The following PDE1A variants were observed in gnomAD, a reference collection of about 807,000 sequenced individuals.
PDE1A encodes the protein dual specificity calcium/calmodulin-dependent 3',5'-cyclic nucleotide phosphodiesterase 1A.
Under a neutral mutation model 61.7 loss-of-function variants are expected in PDE1A, and 35 were observed. The ratio of observed to expected loss-of-function variants is 0.57; its 90% CI spans 0.43 to 0.75. PDE1A has a LOEUF of 0.75. PDE1A is among the 30% of genes least tolerant of loss of function. The probability of loss-of-function intolerance (pLI) is 0.00; values close to 1 mark genes in which losing one functional copy is unlikely to be tolerated. For synonymous variants in PDE1A, 232 were observed against 213.2 expected (o/e 1.09, Z -0.77); for missense variants, 597 against 630.6 (o/e 0.95, Z 0.57).
chr2:182,515,233 A>T lies in PDE1A; in HGVS notation c.101+7043T>A, dbSNP rs778674302. 7.9e-5 allele frequency among the ~76,000 whole-genome samples: 12 copies of T among 152,194 alleles called. 1 individual carries two copies. Among genetic ancestry groups the T allele is most frequent in the Non-Finnish European group, 1.3e-4 (9 of 68,028 alleles). On this transcript the variant is annotated intron_variant, in intron 2 of 14. Transcript: ENST00000410103. ...TTTTATTCTGGTCACTTCTTACTGC[A>T]TATTAACTTGCTTTTTATAATTTAC...
the PDE1A span, among the ~76,000 whole-genome samples, chr2:182,530,272 T>A: frequency 6.6e-6 from 1 of 152,210 alleles, no homozygotes; most frequent in East Asian, 1.9e-4. Context: ...TGCCCCAGAT[T>A]AGCAACTTTG....
chr2:182,627,395 ATAT>A, the PDE1A span, among the ~76,000 whole-genome samples: 18 of 118,774 alleles, frequency 1.5e-4, no homozygotes, highest in African/African-American at 5.3e-4. Context: ...TATATAATGT[ATAT>A]TATATTTAAT....
intron 2 of PDE1A, among the ~76,000 whole-genome samples, chr2:182,510,444 G>A (rs1218786685): frequency 2.6e-5 from 4 of 152,176 alleles, no homozygotes; most frequent in African/African-American, 9.7e-5. Flanking sequence ...TTTACCAGAT[G>A]ATAATCAAAC....
chr2:182,261,738 C>T (rs1305558904), intron 2 of PDE1A, among the ~76,000 whole-genome samples: 3 of 151,912 alleles, frequency 2.0e-5, no homozygotes, highest in Admixed American at 6.6e-5. Flanking sequence ...AGTCATACTT[C>T]TCAGGGAAAG....
At chr2:182,344,350 G>A (rs941864213) in intron 1 of PDE1A, among the ~76,000 whole-genome samples, 6 of 152,074 alleles carry the variant, frequency 3.9e-5, no homozygotes, top group Non-Finnish European at 8.8e-5. Context: ...AGGATTATAA[G>A]TATACACAAA....
At chr2:182,444,157 A>G (rs1250750717) in intron 2 of PDE1A, among the ~76,000 whole-genome samples, 1 of 152,282 alleles carries the variant, frequency 6.6e-6, no homozygotes, top group East Asian at 1.9e-4. Context: ...GACGACTTTC[A>G]GTTCACCTAA....
At chr2:182,390,770 T>C (rs998226697) in intron 1 of PDE1A, among the ~76,000 whole-genome samples, 1 of 152,204 alleles carries the variant, frequency 6.6e-6, no homozygotes, top group African/African-American at 2.4e-5. Flanking sequence ...AATGGGGATG[T>C]GTGGGAAGAC....
chr2:182,484,375 A>G (rs1687883734), intron 2 of PDE1A, among the ~76,000 whole-genome samples: 1 of 152,078 alleles, frequency 6.6e-6, no homozygotes, highest in Non-Finnish European at 1.5e-5. Flanking sequence ...AAGATGGATT[A>G]CAGACATAAA....
At chr2:182,537,338 G>A in the PDE1A span, among the ~76,000 whole-genome samples, 3 of 152,182 alleles carry the variant, frequency 2.0e-5, no homozygotes, top group East Asian at 5.8e-4. Context: ...ATGAGTTCAT[G>A]TCCTTTGCAG....
At chr2:182,191,114 A>T (rs901148257) in intron 10 of PDE1A, among the ~76,000 whole-genome samples, 4 of 152,118 alleles carry the variant, frequency 2.6e-5, no homozygotes, top group Non-Finnish European at 5.9e-5. Context: ...ATAGAGAGGG[A>T]TCATCTTTTT....
chr2:182,167,830 T>A (rs1574537611), downstream of PDE1A: 18 of 117,192 alleles, frequency 1.5e-4, no homozygotes, highest in Non-Finnish European at 1.8e-4. Flanking sequence ...TAAAAGATAA[T>A]TTTTTTTTTT....
At chr2:182,522,420 C>A in intron 1 of PDE1A, 1 of 1,611,374 alleles carries the variant, frequency 6.2e-7, no homozygotes, top group Non-Finnish European at 8.5e-7. Context: ...GTTTCAGCAG[C>A]TAGAACAAGC....
chr2:182,415,321 T>C (rs1702850729), intron 1 of PDE1A, among the ~76,000 whole-genome samples: 2 of 152,162 alleles, frequency 1.3e-5, no homozygotes, highest in African/African-American at 2.4e-5. Context: ...GCAAGCTTCA[T>C]AGCACCCAAG....
intron 1 of PDE1A, among the ~76,000 whole-genome samples, chr2:182,328,451 G>A (rs1395145175): frequency 2.0e-5 from 3 of 152,126 alleles, no homozygotes; most frequent in African/African-American, 7.2e-5. Flanking sequence ...GGATTATTGA[G>A]TATAAGTTGG....
intron 1 of PDE1A, among the ~76,000 whole-genome samples, chr2:182,279,894 A>G (rs1248747271): frequency 1.3e-4 from 19 of 151,828 alleles, no homozygotes; most frequent in Admixed American, 1.2e-3. Flanking sequence ...TTAAAATGGT[A>G]TGCTTATTCT....
At chr2:182,191,955 A>C (rs146283094) in intron 10 of PDE1A, among the ~76,000 whole-genome samples, 3,222 of 151,904 alleles carry the variant, frequency 0.021, 56 homozygotes, top group Non-Finnish European at 0.035. Flanking sequence ...TCCCAGGTTC[A>C]AGCAATTCTC....
the PDE1A span, among the ~76,000 whole-genome samples, chr2:182,567,792 T>C: frequency 6.7e-6 from 1 of 150,054 alleles, no homozygotes; most frequent in African/African-American, 2.5e-5. Context: ...TCTTTTTTTC[T>C]TTTTTCTTTT....
the PDE1A span, among the ~76,000 whole-genome samples, chr2:182,533,668 G>T: frequency 6.6e-6 from 1 of 152,070 alleles, no homozygotes; most frequent in South Asian, 2.1e-4. Context: ...AAGTATAATT[G>T]ATTAGAATAA....
chr2:182,380,131 G>A (rs1353958949), intron 1 of PDE1A, among the ~76,000 whole-genome samples: 1 of 89,722 alleles, frequency 1.1e-5, no homozygotes, highest in Non-Finnish European at 2.1e-5. Context: ...TTTTTTTTGA[G>A]ACAGAGTCTT....
Sources: gnomAD v4.1 joint callset for allele counts (sites outside exome capture counted in the v4.1 genomes callset) on GRCh38, gnomAD v4.1.1 for gene constraint, MANE v1.5 for transcripts, NCBI Gene and HGNC (gene_info 2026-07-23, HGNC 2026-07-21) for gene names.